Variants in FHIT observed in about 807,000 individuals in gnomAD.
The protein encoded by FHIT is fragile histidine triad diadenosine triphosphatase.
In FHIT, 19 loss-of-function variants were observed where a neutral mutation model predicts 17.9. The ratio of observed to expected loss-of-function variants is 1.06; its 90% confidence interval spans 0.74 to 1.56. The LOEUF (loss-of-function observed/expected upper bound fraction) is 1.56, where lower values mean the gene tolerates loss of function less well. Among genes scored for constraint, FHIT ranks in the 40% most tolerant of loss-of-function variants. FHIT has a pLI of 0.00. For missense variants in FHIT, 248 were observed against 189.2 expected (o/e 1.31, Z -1.82); for synonymous variants, 81 against 69.7 (o/e 1.16, Z -0.81).
At chr3:61,216,494 A>C (rs2039680218) in intron 1 of FHIT, among the ~76,000 whole-genome samples, 3 of 152,232 alleles carry the variant, frequency 2.0e-5, no homozygotes, top group Admixed American at 2.0e-4. Context: ...TCAGGAAACA[A>C]CAGGTGCTGG....
chr3:60,003,427 A>G (rs535573800), intron 7 of FHIT, among the ~76,000 whole-genome samples: 2 of 152,300 alleles, frequency 1.3e-5, no homozygotes, highest in East Asian at 3.9e-4. Context: ...GGCACACATT[A>G]TTGTATGGTC....
intron 5 of FHIT, among the ~76,000 whole-genome samples, chr3:60,030,925 T>G (rs1041370676): frequency 6.6e-6 from 1 of 152,254 alleles, no homozygotes; most frequent in East Asian, 1.9e-4. Flanking sequence ...CTTAATGTTT[T>G]ATAACCATAA....
chr3:60,807,803 T>A (rs1701448488), intron 4 of FHIT, among the ~76,000 whole-genome samples: 1 of 145,982 alleles, frequency 6.9e-6, no homozygotes, highest in Non-Finnish European at 1.5e-5. Flanking sequence ...AAAAGAAAGG[T>A]AAATAGACAA....
chr3:60,057,776 G>T (rs1702139910), intron 5 of FHIT, among the ~76,000 whole-genome samples: 1 of 151,478 alleles, frequency 6.6e-6, no homozygotes, highest in South Asian at 2.1e-4. Context: ...CTCATTCTCA[G>T]GATTGCTTCC....
intron 5 of FHIT, among the ~76,000 whole-genome samples, chr3:60,073,908 A>G (rs566765355): frequency 6.6e-6 from 1 of 152,260 alleles, no homozygotes; most frequent in South Asian, 2.1e-4. Flanking sequence ...TTTCCCACTG[A>G]AGTAAATTAG....
intron 7 of FHIT, among the ~76,000 whole-genome samples, chr3:59,990,810 G>C (rs145900424): frequency 8.9e-4 from 135 of 152,140 alleles, no homozygotes; most frequent in African/African-American, 3.1e-3. Context: ...TTTTAGAACA[G>C]AGGCAAGACT....
At chr3:60,013,147 C>G (rs1256725874) in intron 6 of FHIT, among the ~76,000 whole-genome samples, 1 of 152,168 alleles carries the variant, frequency 6.6e-6, no homozygotes, top group Non-Finnish European at 1.5e-5. Context: ...TAGTCAGAGC[C>G]TTCATAACCT....
chr3:60,968,265 T>C (rs1709844093), intron 3 of FHIT, among the ~76,000 whole-genome samples: 1 of 152,212 alleles, frequency 6.6e-6, no homozygotes, highest in African/African-American at 2.4e-5. Context: ...TTGTGGCTTG[T>C]TAAAAACACA....
At chr3:59,754,980 T>C (rs987293487) in intron 8 of FHIT, among the ~76,000 whole-genome samples, 5 of 152,112 alleles carry the variant, frequency 3.3e-5, no homozygotes, top group African/African-American at 1.2e-4. Flanking sequence ...ATTTAATTGG[T>C]CTGGGGCAGC....
intron 8 of FHIT, among the ~76,000 whole-genome samples, chr3:59,908,850 T>TTTTTTTTTTTTTTTTTTTTTTTGAG (rs1553712872): frequency 2.1e-4 from 32 of 150,074 alleles, no homozygotes; most frequent in African/African-American, 7.8e-4. Context: ...TTTCATTTTT[T>TTTTTTTTTTTTTTTTTTTTTTTGAG]AATAGTCCAA....
intron 8 of FHIT, among the ~76,000 whole-genome samples, chr3:59,798,256 C>T (rs1434823403): frequency 6.6e-6 from 1 of 152,314 alleles, no homozygotes; most frequent in African/African-American, 2.4e-5. Flanking sequence ...AATGTTTTAT[C>T]ACCTCTCCTT....
intron 5 of FHIT, among the ~76,000 whole-genome samples, chr3:60,108,882 C>T (rs1704545182): frequency 2.0e-5 from 3 of 152,118 alleles, no homozygotes; most frequent in South Asian, 4.1e-4. Context: ...AGGCTGGTCT[C>T]GTACTCCCGA....
chr3:60,481,478 C>T lies in FHIT; in HGVS notation c.103+55382G>A, dbSNP rs950780442. Among the ~76,000 whole-genome samples the T allele has an allele frequency of 2.6e-5, 4 of 152,324 alleles. No individual in the cohort carries two copies. The South Asian group carries it at 8.3e-4, about 32-fold the overall frequency. ...CCCATGAGACTAACAGTGGACCTCT[C>T]AGCAGAAACTCTACATGCCAGAAGA... On this transcript the variant is annotated intron_variant, in intron 5 of 9. Transcript: ENST00000492590.
intron 5 of FHIT, among the ~76,000 whole-genome samples, chr3:60,056,086 C>T (rs1702068825): frequency 6.6e-6 from 1 of 152,206 alleles, no homozygotes; most frequent in Admixed American, 6.5e-5. Flanking sequence ...TATCTGAGAG[C>T]ACAGCTCTGC....
intron 4 of FHIT, among the ~76,000 whole-genome samples, chr3:60,791,011 T>C (rs185298614): frequency 6.6e-6 from 1 of 152,298 alleles, no homozygotes; most frequent in East Asian, 1.9e-4. Context: ...CCAAATGTAA[T>C]AATGCACTCA....
intron 5 of FHIT, among the ~76,000 whole-genome samples, chr3:60,465,897 G>C (rs769983733): frequency 5.3e-5 from 8 of 151,952 alleles, no homozygotes; most frequent in Non-Finnish European, 1.0e-4. Flanking sequence ...TAAATGCTAA[G>C]ATTATTTTTT....
intron 8 of FHIT, among the ~76,000 whole-genome samples, chr3:59,769,234 T>C (rs1028145203): frequency 6.6e-6 from 1 of 152,182 alleles, no homozygotes; most frequent in Non-Finnish European, 1.5e-5. Context: ...AGGCGGAAAC[T>C]TGAGAGGAAA....
intron 8 of FHIT, among the ~76,000 whole-genome samples, chr3:59,837,554 AT>A (rs1701383333): frequency 6.6e-6 from 1 of 152,062 alleles, no homozygotes; most frequent in African/African-American, 2.4e-5. Context: ...TTTTCATTAG[AT>A]CTTTTATAAA....
chr3:59,761,486 TCAGGTA>T (rs1241196759), intron 8 of FHIT, among the ~76,000 whole-genome samples: 5 of 152,110 alleles, frequency 3.3e-5, no homozygotes, highest in Non-Finnish European at 7.4e-5. Context: ...AATGTATAAA[TCAGGTA>T]CAGGTACAGG....
Sources: gnomAD v4.1 joint callset for allele counts (sites outside exome capture counted in the v4.1 genomes callset) on GRCh38, gnomAD v4.1.1 for gene constraint, MANE v1.5 for transcripts, NCBI Gene and HGNC (gene_info 2026-07-23, HGNC 2026-07-21) for gene names.